The following ODAD3 variants were observed in gnomAD, a reference collection of about 807,000 sequenced individuals.
ODAD3 encodes outer dynein arm-docking complex subunit 3.
A neutral mutation model predicts 70.9 loss-of-function variants in ODAD3; 57 were observed. That is an observed-to-expected ratio of 0.80 (90% CI 0.65 to 1.00). The LOEUF (loss-of-function observed/expected upper bound fraction) is 1.00. Among genes scored for constraint, ODAD3 ranks in the 50% least tolerant of loss-of-function variants. The pLI is 0.00. For missense variants in ODAD3, 797 were observed against 763.9 expected (o/e 1.04, Z -0.51); for synonymous variants, 327 against 315.9 (o/e 1.04, Z -0.37).
At chr19:11,428,894 TTTA>T (rs1485674861) in intron 3 of ODAD3, among the ~76,000 whole-genome samples, 6 of 150,230 alleles carry the variant, frequency 4.0e-5, no homozygotes, top group Non-Finnish European at 7.4e-5. Flanking sequence ...TATTTATTTA[TTTA>T]TTTATTTTGA....
chr19:11,425,035 ATACATATG>A (rs1278360472), intron 7 of ODAD3, among the ~76,000 whole-genome samples: 1 of 122,256 alleles, frequency 8.2e-6, no homozygotes, highest in African/African-American at 4.1e-5. Flanking sequence ...ATGTGCATAT[ATACATATG>A]TGTATATATG....
chr19:11,432,939 G>A (rs1475962632), intron 1 of ODAD3, among the ~76,000 whole-genome samples: 3 of 151,930 alleles, frequency 2.0e-5, no homozygotes, highest in Admixed American at 6.6e-5. Flanking sequence ...GATTACAGGC[G>A]TGCGCCACCA....
intron 1 of ODAD3, among the ~76,000 whole-genome samples, chr19:11,432,168 C>T (rs1346521351): frequency 6.6e-6 from 1 of 152,164 alleles, no homozygotes; most frequent in East Asian, 1.9e-4. Context: ...TCAAGTCCCA[C>T]AGTCAGCCCT....
At chr19:11,425,728 C>T (rs1261799578) in intron 7 of ODAD3, among the ~76,000 whole-genome samples, 2 of 140,348 alleles carry the variant, frequency 1.4e-5, no homozygotes, top group African/African-American at 6.3e-5. Context: ...AACAAAAAGG[C>T]AGGACAGGGC....
In ODAD3 at chr19:11,422,677, C is replaced by T. The variant is rs1404654883; in HGVS notation, c.1277+24G>A. The T allele has an allele frequency of 1.2e-6, 2 of 1,609,006 alleles. No individual in the cohort carries two copies. Among genetic ancestry groups the T allele is most frequent in the Admixed American group, 3.3e-5 (2 of 59,866 alleles). ...CGGGGGCTCAGCCCGCCCCGCCGCC[C>T]TCCCCAGAGCCCCGGTGCCTCACCT... On this transcript the variant is annotated intron_variant, in intron 9 of 12. Transcript: ENST00000356392. The surrounding 1 kb of genome is among the most constrained non-coding windows in gnomAD (Gnocchi z 4.6).
intron 7 of ODAD3, among the ~76,000 whole-genome samples, chr19:11,425,381 G>GTATA (rs1969315136): frequency 4.9e-5 from 5 of 101,180 alleles, no homozygotes; most frequent in Admixed American, 3.9e-4. Flanking sequence ...ATATATGTGT[G>GTATA]TATGTACATA....
chr19:11,425,157 A>ACATATGTGTATATG (rs1969279890), intron 7 of ODAD3, among the ~76,000 whole-genome samples: 2 of 122,298 alleles, frequency 1.6e-5, no homozygotes, highest in African/African-American at 4.1e-5. Flanking sequence ...ATATGTATAT[A>ACATATGTGTATATG]TACATATGTG....
intron 3 of ODAD3, among the ~76,000 whole-genome samples, chr19:11,428,992 G>A (rs879473966): frequency 6.6e-6 from 1 of 150,456 alleles, no homozygotes; most frequent in Non-Finnish European, 1.5e-5. Context: ...ATTCTCCTGC[G>A]TCAGCCTCCT....
In ODAD3 at chr19:11,426,560, G is replaced by C. The variant is rs1015354057; in HGVS notation, c.726C>G (p.Leu242=). The part of the protein sequence containing the change: ...QLKAYLMDES[L]NLENRLDSME... ...TGGAGTCCAGCCGGTTCTCCAAGTT[G>C]AGGCTCTCGTCCTGGGGCGTGGTGG... The change falls in exon 6 of 13, where the codon CTC becomes CTG. Residue 242 remains leucine (L), a synonymous_variant. Transcript: ENST00000356392. 3.1e-6 allele frequency: 5 copies of C among 1,614,046 alleles called. No homozygotes were observed. In the Middle Eastern group the frequency reaches 6.6e-4, roughly 213 times the overall value.
chr19:11,425,461 G>GTATATATGTATATATGTGTGTATATA, intron 7 of ODAD3, among the ~76,000 whole-genome samples: 1 of 107,250 alleles, frequency 9.3e-6, no homozygotes, highest in East Asian at 2.5e-4. Context: ...ATATATGTGT[G>GTATATATGTATATATGTGTGTATATA]TGTATATATG....
At chr19:11,425,657 A>ATGCG (rs1969350557) in intron 7 of ODAD3, among the ~76,000 whole-genome samples, 21 of 134,488 alleles carry the variant, frequency 1.6e-4, no homozygotes, top group African/African-American at 7.3e-4. Flanking sequence ...ATACGTATAT[A>ATGCG]TATATATATA....
At chr19:11,430,831 G>A (rs549640619) in intron 2 of ODAD3, 55 bp from the exon 3 acceptor site, 1 of 1,613,994 alleles carries the variant, frequency 6.2e-7, no homozygotes, top group Non-Finnish European at 8.5e-7. Context: ...GCTAAGGCCA[G>A]GTGCTACCTA....
Position 11,425,149 on chromosome 19 carries a change from A to G in ODAD3, c.963+995T>C, listed in dbSNP as rs750762796. On this transcript the variant is annotated intron_variant, in intron 7 of 12. Coordinates refer to ENST00000356392, the MANE Select transcript of ODAD3 (RefSeq NM_145045.5). ...TATGTGTATATGTGTATATGTACATATGTATATATACATATGTGTATATGT... is the reference window on the plus strand; with the variant it reads ...TATGTGTATATGTGTATATGTACATGTGTATATATACATATGTGTATATGT... 4.7e-3 allele frequency among the ~76,000 whole-genome samples: 554 copies of G among 117,802 alleles called. 35 individuals carry two copies. Among genetic ancestry groups the G allele is most frequent in the Middle Eastern group, 0.024 (2 of 84 alleles). The allele number at this position is 117,802 out of a possible 152,430, so 77.3% of individuals were successfully genotyped here.
chr19:11,435,355 C>T (rs768266620), upstream of ODAD3: 1 of 512,732 alleles, frequency 2.0e-6, no homozygotes, highest in Admixed American at 3.6e-5. Flanking sequence ...TTCCCTACCT[C>T]CCCCAACCTT....
At chr19:11,425,668 T>TACATATATAG (rs1969351955) in intron 7 of ODAD3, among the ~76,000 whole-genome samples, 3 of 129,200 alleles carry the variant, frequency 2.3e-5, no homozygotes, top group African/African-American at 1.2e-4. Context: ...TATATATATA[T>TACATATATAG]ATGCAAAAAA....
At position 11,422,498 on chromosome 19, in the gene ODAD3, C is replaced by T. The variant is rs1179211503; in HGVS notation, c.1407G>A (p.Leu469=). Residue 469 remains leucine, a synonymous_variant, in exon 10 of 13, where the codon CTG becomes CTA. Transcript: ENST00000356392. The surrounding 1 kb of genome is among the most constrained non-coding windows in gnomAD (Gnocchi z 4.6). The part of the protein sequence containing the change: ...MQVAKDSLEH[L]ASKLIHITVE... ...CAGTGATGTGGATCAGCTTGCTGGC[C>T]AGGTGCTCCAGGCTGTCCTTGGCCA... 2 of 1,593,550 alleles carry T rather than the reference C, an allele frequency of 1.3e-6. No homozygotes were observed. Among genetic ancestry groups the T allele is most frequent in the Middle Eastern group, 2.0e-4 (1 of 4,922 alleles).
intron 3 of ODAD3, 54 bp downstream of exon 3, chr19:11,430,645 G>A: frequency 1.3e-6 from 2 of 1,554,612 alleles, no homozygotes; most frequent in South Asian, 2.2e-5. Flanking sequence ...GAGTCCAGTG[G>A]TGAGGGGACC....
chr19:11,423,763 C>A, intron 8 of ODAD3, 114 bp downstream of exon 8: 1 of 1,109,462 alleles, frequency 9.0e-7, no homozygotes. Context: ...AGCTGAATAA[C>A]CGACCTGGCA....
At position 11,422,930 on chromosome 19, in the gene ODAD3, C is replaced by T; in HGVS notation, c.1117-69G>A. On this transcript the variant is annotated intron_variant, in intron 8 of 12. Transcript: ENST00000356392. The surrounding 1 kb of genome is among the most constrained non-coding windows in gnomAD (Gnocchi z 4.6). ...GTAGGGGCGCTCCACCTCCTCTCCC[C>T]CACCCTGCGAACCCTCGCACGCAGG... is the stretch of plus-strand genomic sequence containing the variant. The T allele has an allele frequency of 6.5e-7, 1 of 1,532,350 alleles. No homozygotes were observed. Among genetic ancestry groups the T allele is most frequent in the Non-Finnish European group, 8.8e-7 (1 of 1,138,480 alleles). The allele number at this position is 1,532,350 out of a possible 1,614,324, so 94.9% of individuals were successfully genotyped here.
Sources: gnomAD v4.1 joint callset for allele counts (sites outside exome capture counted in the v4.1 genomes callset) on GRCh38, gnomAD v4.1.1 for gene constraint, Gnocchi (gnomAD v3.1) non-coding constraint, MANE v1.5 for transcripts, NCBI Gene and HGNC (gene_info 2026-07-23, HGNC 2026-07-21) for gene names.